The following ADGRV1 variants were observed in gnomAD, a reference collection of about 807,000 sequenced individuals.
ADGRV1 encodes G-protein coupled receptor 98.
In ADGRV1, 359 loss-of-function variants were observed where a neutral mutation model predicts 596.2. The ratio of observed to expected loss-of-function variants is 0.60; its 90% CI spans 0.55 to 0.66. ADGRV1 has a LOEUF of 0.66. ADGRV1 is among the 30% of genes least tolerant of loss of function. The pLI, the probability that ADGRV1 is intolerant of heterozygous loss-of-function variation, is 0.00. For missense variants in ADGRV1, 7,274 were observed against 7,575.6 expected (o/e 0.96, Z 1.48); for synonymous variants, 2,681 against 2,679.2 (o/e 1.00, Z -0.02).
chr5:90,564,005 C>A (rs1242415722), intron 1 of ADGRV1, among the ~76,000 whole-genome samples: 1 of 152,120 alleles, frequency 6.6e-6, no homozygotes, highest in Non-Finnish European at 1.5e-5. Flanking sequence ...TTTGGTGTAA[C>A]ACTGTTTTTG....
intron 53 of ADGRV1, among the ~76,000 whole-genome samples, chr5:90,752,244 A>G (rs1165248806): frequency 6.6e-6 from 1 of 152,178 alleles, no homozygotes; most frequent in East Asian, 1.9e-4. Context: ...GGGTTTGGCC[A>G]TTGGGCAGTA....
chr5:91,028,968 T>A (rs187261094), intron 85 of ADGRV1, among the ~76,000 whole-genome samples: 1 of 152,004 alleles, frequency 6.6e-6, no homozygotes, highest in African/African-American at 2.4e-5. Context: ...AACTCCCAAG[T>A]TAAGTGGTCC....
At chr5:91,059,002 T>A (rs1787158125) in intron 85 of ADGRV1, among the ~76,000 whole-genome samples, 1 of 152,214 alleles carries the variant, frequency 6.6e-6, no homozygotes, top group African/African-American at 2.4e-5. Context: ...CATAAATAAA[T>A]GTGATGAATG....
rs373369063 is a variant in ADGRV1, at chr5:90,690,882, A to G, written c.6792A>G (p.Thr2264=). 8 of 1,613,350 alleles carry G rather than the reference A, an allele frequency of 5.0e-6. No individual in the cohort carries two copies. Among genetic ancestry groups the G allele is most frequent in the Admixed American group, 1.7e-5 (1 of 59,892 alleles). ...VNLPIIRNSG[T]LGNVTVQWVA... is the part of the protein sequence containing the mutation. ...TGCCAATAATTCGAAATTCTGGGAC[A>G]CTCGGCAATGTTACTGTTCAGTGGG... is the stretch of plus-strand genomic sequence containing the variant. The change falls in exon 31 of 90, where the codon ACA becomes ACG. Residue 2264 remains threonine, a synonymous_variant. Coordinates refer to ENST00000405460, the MANE Select transcript of ADGRV1 (RefSeq NM_032119.4).
intron 7 of ADGRV1, 134 bp downstream of exon 7, chr5:90,627,910 C>T: frequency 2.6e-6 from 1 of 392,022 alleles, no homozygotes; most frequent in Non-Finnish European, 4.3e-6. Flanking sequence ...ATGACAAACT[C>T]AGAAAAGACA....
intron 83 of ADGRV1, among the ~76,000 whole-genome samples, chr5:90,935,663 T>G (rs1229710464): frequency 6.6e-6 from 1 of 152,206 alleles, no homozygotes; most frequent in East Asian, 1.9e-4. Flanking sequence ...CCCACAAAAT[T>G]TATGCCCTTA....
At chr5:90,973,559 G>A (rs6452920) in intron 84 of ADGRV1, among the ~76,000 whole-genome samples, 74,714 of 151,946 alleles carry the variant, frequency 0.49, 19,725 homozygotes, top group East Asian at 0.68. Flanking sequence ...ATGCAAATCA[G>A]TAAACGTAAT....
intron 50 of ADGRV1, among the ~76,000 whole-genome samples, chr5:90,739,316 T>C (rs1753660139): frequency 6.6e-6 from 1 of 152,156 alleles, no homozygotes; most frequent in Non-Finnish European, 1.5e-5. Context: ...CAAGATCCAT[T>C]ATTGGAACTT....
At chr5:90,646,165 CAT>C in intron 16 of ADGRV1, 74 bp downstream of exon 16, 2 of 1,016,236 alleles carry the variant, frequency 2.0e-6, no homozygotes, top group African/African-American at 1.7e-5. Context: ...TATGCACGTG[CAT>C]ATATACATTT....
chr5:91,007,584 A>G (rs1782382265), intron 85 of ADGRV1, among the ~76,000 whole-genome samples: 1 of 152,170 alleles, frequency 6.6e-6, no homozygotes, highest in Admixed American at 6.6e-5. Context: ...TTTTTCTCTC[A>G]TAGCTTTAAG....
At chr5:90,778,762 A>T in intron 63 of ADGRV1, 103 bp from the exon 64 acceptor site, 1 of 1,097,032 alleles carries the variant, frequency 9.1e-7, no homozygotes, top group South Asian at 1.9e-5. Flanking sequence ...ATAACCTTAT[A>T]TGTAATTTTA....
intron 85 of ADGRV1, among the ~76,000 whole-genome samples, chr5:91,056,449 G>T (rs1416732198): frequency 6.6e-6 from 1 of 152,068 alleles, no homozygotes; most frequent in Non-Finnish European, 1.5e-5. Flanking sequence ...ATCACAATCC[G>T]ATTGAGAAAT....
chr5:90,566,550 T>C (rs1165694974), intron 1 of ADGRV1, among the ~76,000 whole-genome samples: 2 of 152,254 alleles, frequency 1.3e-5, no homozygotes, highest in Non-Finnish European at 1.5e-5. Flanking sequence ...TTACATATTT[T>C]GTTAAATTTC....
At chr5:90,903,061 A>G (rs1442712414) in intron 83 of ADGRV1, among the ~76,000 whole-genome samples, 1 of 152,126 alleles carries the variant, frequency 6.6e-6, no homozygotes, top group Non-Finnish European at 1.5e-5. Context: ...ATGTGTAGCA[A>G]AAGGAATTAA....
intron 45 of ADGRV1, among the ~76,000 whole-genome samples, chr5:90,722,574 C>G (rs964286799): frequency 1.3e-5 from 2 of 151,052 alleles, no homozygotes; most frequent in African/African-American, 2.4e-5. Context: ...ATTAGCCGGG[C>G]TTGGTGGCGC....
At chr5:90,640,311 G>C (rs1467216686) in intron 11 of ADGRV1, among the ~76,000 whole-genome samples, 1 of 152,094 alleles carries the variant, frequency 6.6e-6, no homozygotes, top group African/African-American at 2.4e-5. Context: ...GCAATGATAT[G>C]GCTTCTTCAG....
At chr5:91,145,783 A>G (rs1391978700) in intron 87 of ADGRV1, among the ~76,000 whole-genome samples, 1 of 152,214 alleles carries the variant, frequency 6.6e-6, no homozygotes, top group East Asian at 1.9e-4. Context: ...TACAGATTAG[A>G]TGCCAACCCA....
chr5:90,777,020 A>C (rs533899644), intron 61 of ADGRV1, among the ~76,000 whole-genome samples: 1 of 152,272 alleles, frequency 6.6e-6, no homozygotes, highest in African/African-American at 2.4e-5. Context: ...CTGTTCTCAC[A>C]CTGCTATAAA....
At chr5:90,906,070 G>A (rs75039242) in intron 83 of ADGRV1, among the ~76,000 whole-genome samples, 1,644 of 152,132 alleles carry the variant, frequency 0.011, 33 homozygotes, top group African/African-American at 0.038. Context: ...GCATCCCCAA[G>A]ATAAATCCCA....
Sources: gnomAD v4.1 joint callset for allele counts (sites outside exome capture counted in the v4.1 genomes callset) on GRCh38, gnomAD v4.1.1 for gene constraint, MANE v1.5 for transcripts, NCBI Gene and HGNC (gene_info 2026-07-23, HGNC 2026-07-21) for gene names.